Variants in THSD7A observed in about 807,000 individuals in gnomAD.
THSD7A encodes thrombospondin type 1 domain containing 7A, also known as thrombospondin type-1 domain-containing protein 7A.
THSD7A carries 96 observed loss-of-function variants against 231.3 expected under a neutral mutation model. That is an observed-to-expected ratio of 0.41 (90% CI 0.35 to 0.49). The LOEUF is 0.49. THSD7A is among the 20% of genes least tolerant of loss of function. The probability of loss-of-function intolerance (pLI) is 0.05; values close to 1 mark genes in which losing one functional copy is unlikely to be tolerated. For missense variants in THSD7A, 2,290 were observed against 2,070.2 expected, an observed-to-expected ratio of 1.11 and a Z score of -2.06; for synonymous variants, 940 against 743.3, an observed-to-expected ratio of 1.26 and a Z score of -4.30.
chr7:11,572,392 T>C (rs1298067093), intron 4 of THSD7A, among the ~76,000 whole-genome samples: 2 of 152,242 alleles, frequency 1.3e-5, no homozygotes, highest in African/African-American at 2.4e-5. Flanking sequence ...TGAGTTTTTA[T>C]TGCAGAGTTT....
At chr7:11,735,086 G>GT (rs1031401517) in intron 1 of THSD7A, among the ~76,000 whole-genome samples, 1 of 151,804 alleles carries the variant, frequency 6.6e-6, no homozygotes, top group African/African-American at 2.4e-5. Context: ...CTAACTTCTA[G>GT]TTGATTATAT....
chr7:11,657,234 T>C (rs1782744440), intron 1 of THSD7A, among the ~76,000 whole-genome samples: 1 of 151,874 alleles, frequency 6.6e-6, no homozygotes, highest in Admixed American at 6.6e-5. Flanking sequence ...CATTAAATCC[T>C]TAGTAGAACT....
intron 1 of THSD7A, among the ~76,000 whole-genome samples, chr7:11,795,338 A>G (rs1784090837): frequency 6.6e-6 from 1 of 151,116 alleles, no homozygotes; most frequent in Non-Finnish European, 1.5e-5. Flanking sequence ...TAATATTCTT[A>G]TAACCCCGAG....
rs765673338 is a variant in THSD7A, at chr7:11,634,538, G to GA, written c.1022+1591dup. 4.6e-5 allele frequency among the ~76,000 whole-genome samples: 7 copies of GA among 151,788 alleles called. No individual in the cohort carries two copies. Among genetic ancestry groups the GA allele is most frequent in the Non-Finnish European group, 1.0e-4 (7 of 67,930 alleles). ...AAAATCACCAGAATAAGGATAGTCA[G>GA]AAAAGAACAAAATAGGAATTGAGTT... On this transcript the variant is annotated intron_variant, in intron 2 of 27. Coordinates refer to ENST00000423059, the MANE Select transcript of THSD7A (RefSeq NM_015204.3). This position sits in a 1 kb window ranked among gnomAD's most constrained non-coding sequence, Gnocchi z 4.1.
chr7:11,480,721 A>G (rs1786388786), intron 7 of THSD7A, among the ~76,000 whole-genome samples: 1 of 152,138 alleles, frequency 6.6e-6, no homozygotes, highest in South Asian at 2.1e-4. Context: ...AGGCCAAGGT[A>G]ATTATAGGTG....
intron 1 of THSD7A, among the ~76,000 whole-genome samples, chr7:11,828,906 A>T (rs539637806): frequency 1.3e-5 from 2 of 152,248 alleles, no homozygotes; most frequent in African/African-American, 4.8e-5. Flanking sequence ...CAACAAAACC[A>T]ACCCCTTATC....
At chr7:11,825,356 T>A (rs1166751967) in intron 1 of THSD7A, among the ~76,000 whole-genome samples, 1 of 152,154 alleles carries the variant, frequency 6.6e-6, no homozygotes, top group Non-Finnish European at 1.5e-5. Context: ...AGGTAAGATG[T>A]AAACAGTGGT....
intron 4 of THSD7A, among the ~76,000 whole-genome samples, chr7:11,565,457 A>T (rs912282182): frequency 8.5e-5 from 13 of 152,202 alleles, no homozygotes; most frequent in Non-Finnish European, 1.0e-4. Flanking sequence ...CGAAGAATTG[A>T]TTGTGCAGGG....
At chr7:11,798,510 G>A (rs552195497) in intron 1 of THSD7A, among the ~76,000 whole-genome samples, 63 of 151,100 alleles carry the variant, frequency 4.2e-4, no homozygotes, top group Middle Eastern at 3.4e-3. Flanking sequence ...AAAAAAAAAA[G>A]AGAAAGAAAT....
rs1405956102 is a variant in THSD7A, at chr7:11,462,110, C to T, written c.2402G>A (p.Arg801Gln). 7 of 1,613,752 alleles carry T rather than the reference C, an allele frequency of 4.3e-6. No individual in the cohort carries two copies. The highest frequency in any genetic ancestry group is 1.7e-5 in the Admixed American group (1 of 59,994). ...GTTGGCTGGCAGCTGAATGATGACC[C>T]GATGCCTAGACTGCTTCCTGATACT... ...DSSIRKQSRH[R>Q]VIIQLPANGG... is the part of the protein sequence containing the mutation. The change falls in exon 10 of 28, where the codon CGG (arginine) becomes CAG (glutamine). Residue 801 changes from arginine to glutamine, a missense_variant. Arg to Gln is a conservative substitution (Grantham distance 43, BLOSUM62 1). Coordinates refer to ENST00000423059, the MANE Select transcript of THSD7A (RefSeq NM_015204.3).
chr7:11,574,601 AT>A (rs78701752), intron 4 of THSD7A, among the ~76,000 whole-genome samples: 3,014 of 139,898 alleles, frequency 0.022, 27 homozygotes, highest in Middle Eastern at 0.041. Flanking sequence ...CGCCCGGCTA[AT>A]TTTTTTTTTT....
intron 23 of THSD7A, 118 bp downstream of exon 23, chr7:11,401,677 G>T (rs186793999): frequency 1.1e-6 from 1 of 912,668 alleles, no homozygotes; most frequent in Non-Finnish European, 1.5e-6. Context: ...CTCCCAAAGC[G>T]TTGGGATTAC....
intron 1 of THSD7A, among the ~76,000 whole-genome samples, chr7:11,755,433 A>G (rs1292651937): frequency 1.3e-5 from 2 of 152,112 alleles, no homozygotes; most frequent in South Asian, 2.1e-4. Context: ...AAAGTCCTCC[A>G]TGATTGGACA....
At chr7:11,704,198 A>G (rs1780691410) in intron 1 of THSD7A, among the ~76,000 whole-genome samples, 1 of 151,130 alleles carries the variant, frequency 6.6e-6, no homozygotes, top group Non-Finnish European at 1.5e-5. Context: ...AAGCAAAACT[A>G]CAAGCAATGA....
At position 11,736,868 on chromosome 7, in the gene THSD7A, T is replaced by C. The variant is rs1052900944; in HGVS notation, c.190+94889A>G. 2.6e-5 allele frequency among the ~76,000 whole-genome samples: 4 copies of C among 152,162 alleles called. No individual in the cohort carries two copies. The South Asian group carries it at 8.3e-4, about 32-fold the overall frequency. On this transcript the variant is annotated intron_variant, in intron 1 of 27. Coordinates refer to ENST00000423059, the MANE Select transcript of THSD7A (RefSeq NM_015204.3). ...ATCCCCACCTGTCATAGGAAGGATC[T>C]GGTGGGAGATAATTGAATCATGGGG... is the stretch of plus-strand genomic sequence containing the variant.
rs752975816 is a variant in THSD7A, at chr7:11,446,363, A to C, written c.2801-39T>G. ...ACAATCAGGCAATTTAAGTTGGAAAATACCATCATTAATTTCACACATCCC... is the reference window on the plus strand; with the variant it reads ...ACAATCAGGCAATTTAAGTTGGAAACTACCATCATTAATTTCACACATCCC... On this transcript the variant is annotated intron_variant, in intron 12 of 27. Transcript: ENST00000423059. This position sits in a 1 kb window ranked among gnomAD's most constrained non-coding sequence, Gnocchi z 4.0. 1 of 1,578,894 alleles carries C rather than the reference A, an allele frequency of 6.3e-7. No individual in the cohort carries two copies. Among genetic ancestry groups the C allele is most frequent in the African/African-American group, 1.4e-5 (1 of 73,588 alleles).
intron 7 of THSD7A, among the ~76,000 whole-genome samples, chr7:11,481,286 G>A (rs1210451694): frequency 2.6e-5 from 4 of 152,116 alleles, no homozygotes; most frequent in Admixed American, 6.6e-5. Flanking sequence ...CTGGACCTCG[G>A]AGCCTATGTT....
At chr7:11,822,536 T>A (rs1784905701) in intron 1 of THSD7A, among the ~76,000 whole-genome samples, 1 of 152,076 alleles carries the variant, frequency 6.6e-6, no homozygotes, top group African/African-American at 2.4e-5. Flanking sequence ...TTTGATATAT[T>A]GACTTTTTTT....
At chr7:11,786,281 A>G (rs1783790014) in intron 1 of THSD7A, among the ~76,000 whole-genome samples, 1 of 152,070 alleles carries the variant, frequency 6.6e-6, no homozygotes, top group Non-Finnish European at 1.5e-5. Flanking sequence ...TCAACTGTAC[A>G]TTCTCCCTTG....
Sources: gnomAD v4.1 joint callset for allele counts (sites outside exome capture counted in the v4.1 genomes callset) on GRCh38, gnomAD v4.1.1 for gene constraint, Gnocchi (gnomAD v3.1) non-coding constraint, MANE v1.5 for transcripts, NCBI Gene and HGNC (gene_info 2026-07-23, HGNC 2026-07-21) for gene names.